Variants in PCGF3 observed in about 807,000 individuals in gnomAD.
PCGF3 encodes polycomb group RING finger protein 3.
Under a neutral mutation model 33.1 loss-of-function variants are expected in PCGF3, and 7 were observed. That is an observed-to-expected ratio of 0.21 (90% CI 0.12 to 0.40). The LOEUF is 0.40. Ranked by LOEUF, PCGF3 falls within the 10% of genes least tolerant of loss-of-function variation. The probability of loss-of-function intolerance (pLI) is 1.00; values close to 1 mark genes in which losing one functional copy is unlikely to be tolerated. For synonymous variants in PCGF3, 153 were observed against 121.3 expected, an observed-to-expected ratio of 1.26 and a Z score of -1.72; for missense variants, 211 against 313.3, an observed-to-expected ratio of 0.67 and a Z score of 2.46.
rs1351232620 is a variant in PCGF3 at position 721,190 on chromosome 4, G to T, written c.-189-9440G>T. On this transcript the variant is annotated intron_variant, in intron 1 of 10. Transcript: ENST00000362003. This position sits in a 1 kb window ranked among gnomAD's most constrained non-coding sequence, Gnocchi z 4.1. Reference sequence around the variant, plus strand: ...TCACTGCCCCATTACAACAGTGCGGGCCCTGATTCTCATGGTTCCCCAGTG... The same window carrying T: ...TCACTGCCCCATTACAACAGTGCGGTCCCTGATTCTCATGGTTCCCCAGTG... 1.3e-5 allele frequency among the ~76,000 whole-genome samples: 2 copies of T among 152,150 alleles called. No individual in the cohort carries two copies. The highest frequency in any genetic ancestry group is 4.8e-5 in the African/African-American group (2 of 41,440).
intron 1 of PCGF3, among the ~76,000 whole-genome samples, chr4:716,965 C>T (rs1431799430): frequency 5.0e-5 from 6 of 121,134 alleles, no homozygotes; most frequent in Non-Finnish European, 5.0e-5. Flanking sequence ...GAGAACTGGG[C>T]GTCGGTGCTG....
intron 8 of PCGF3, among the ~76,000 whole-genome samples, chr4:760,083 A>C (rs1327598381): frequency 2.0e-5 from 3 of 152,300 alleles, no homozygotes; most frequent in African/African-American, 7.2e-5. Context: ...TGCTTTTTGC[A>C]CAGAATCCAC....
intron 9 of PCGF3, among the ~76,000 whole-genome samples, chr4:763,157 G>A (rs927081539): frequency 6.6e-6 from 1 of 152,194 alleles, no homozygotes; most frequent in South Asian, 2.1e-4. Flanking sequence ...AGGGAGAGAA[G>A]GAAATGGGGC....
chr4:708,769 C>T (rs192687247), intron 1 of PCGF3, among the ~76,000 whole-genome samples: 22 of 152,168 alleles, frequency 1.4e-4, no homozygotes, highest in African/African-American at 4.8e-4. Flanking sequence ...TTCCAGTGTC[C>T]GGGAGACTTG....
chr4:719,627 G>C (rs143004494), intron 1 of PCGF3, among the ~76,000 whole-genome samples: 242 of 152,392 alleles, frequency 1.6e-3, no homozygotes, highest in African/African-American at 5.6e-3. Flanking sequence ...AGGAGGTGGA[G>C]AAGGGATGGT....
intron 1 of PCGF3, among the ~76,000 whole-genome samples, chr4:711,519 G>T (rs1321277241): frequency 7.0e-6 from 1 of 142,066 alleles, no homozygotes; most frequent in Non-Finnish European, 1.5e-5. Flanking sequence ...CTGCAGTGGC[G>T]CAATCTCGGC....
chr4:727,134 C>G (rs1245179004), intron 1 of PCGF3, among the ~76,000 whole-genome samples: 1 of 151,402 alleles, frequency 6.6e-6, no homozygotes, highest in Non-Finnish European at 1.5e-5. Flanking sequence ...TTCTGATGGA[C>G]TAACTAGGTG....
intron 1 of PCGF3, among the ~76,000 whole-genome samples, chr4:726,386 C>T (rs1390814881): frequency 1.3e-5 from 2 of 152,204 alleles, no homozygotes; most frequent in Non-Finnish European, 2.9e-5. Context: ...CCTGCGGGGG[C>T]CAGCAAACCC....
intron 6 of PCGF3, among the ~76,000 whole-genome samples, chr4:738,955 A>AC (rs771246614): frequency 2.6e-5 from 4 of 151,670 alleles, no homozygotes; most frequent in Admixed American, 6.6e-5. Flanking sequence ...TGTGACCACC[A>AC]CCCCCCGCCA....
chr4:748,204 T>TG (rs1426976107), intron 8 of PCGF3, among the ~76,000 whole-genome samples: 1 of 88,804 alleles, frequency 1.1e-5, no homozygotes, highest in Admixed American at 1.5e-4. Flanking sequence ...CTAGAGAACT[T>TG]TTTTTTTTTT....
chr4:747,691 G>A (rs4690300), intron 8 of PCGF3, among the ~76,000 whole-genome samples: 4,090 of 138,510 alleles, frequency 0.03, 140 homozygotes, highest in South Asian at 0.049. Flanking sequence ...AGTGCTCGCC[G>A]TGGAGGCGTG....
intron 1 of PCGF3, among the ~76,000 whole-genome samples, chr4:706,449 A>G (rs1434145184): frequency 6.8e-6 from 1 of 147,394 alleles, no homozygotes; most frequent in Non-Finnish European, 1.5e-5. Flanking sequence ...CAGCCCAGGC[A>G]GGACCCAGGG....
intron 3 of PCGF3, among the ~76,000 whole-genome samples, chr4:732,146 C>T (rs71614940): frequency 4.5e-5 from 5 of 112,100 alleles, no homozygotes; most frequent in African/African-American, 1.0e-4. Context: ...GGCGGGGCTC[C>T]CCTCCCCTCG....
In PCGF3 at chr4:743,453, CTG is replaced by C. The variant is rs778041204; in HGVS notation, c.263-15_263-14del. ...AATCCACTGCCTGTGAGATGAAAGA[CTG>C]TGTGTTGATTTTCCGCAGCGGAAAT... is the stretch of plus-strand genomic sequence containing the variant. On this transcript the variant is annotated intron_variant, in intron 6 of 10. Transcript: ENST00000362003. 27 of 1,411,004 alleles carry C rather than the reference CTG, an allele frequency of 1.9e-5. No homozygotes were observed. Among genetic ancestry groups the C allele is most frequent in the Admixed American group, 1.0e-4 (6 of 59,612 alleles). 87.4% of individuals were successfully genotyped at this position (1,411,004 alleles called of 1,614,324 possible).
intron 6 of PCGF3, among the ~76,000 whole-genome samples, chr4:742,505 T>G (rs1744138109): frequency 6.6e-6 from 1 of 152,240 alleles, no homozygotes; most frequent in African/African-American, 2.4e-5. Flanking sequence ...GAGCAGCTTT[T>G]TTCTAACCTT....
intron 10 of PCGF3, 104 bp from the exon 11 acceptor site, chr4:765,928 C>G (rs575412674): frequency 1.0e-5 from 10 of 988,966 alleles, no homozygotes; most frequent in African/African-American, 9.5e-5. Flanking sequence ...TGCATGTGGA[C>G]TGTGCCTCAC....
At chr4:736,412 C>T (rs1438810364) in intron 5 of PCGF3, among the ~76,000 whole-genome samples, 2 of 152,236 alleles carry the variant, frequency 1.3e-5, no homozygotes, top group Non-Finnish European at 2.9e-5. Context: ...TTGGAAATCC[C>T]ACAAAGACCA....
intron 1 of PCGF3, among the ~76,000 whole-genome samples, chr4:715,894 T>TAC (rs1742808109): frequency 9.9e-6 from 1 of 101,342 alleles, no homozygotes; most frequent in Non-Finnish European, 2.3e-5. Flanking sequence ...CTGTGGACAC[T>TAC]GAGGGTGAGA....
intron 8 of PCGF3, among the ~76,000 whole-genome samples, chr4:755,962 G>A (rs1423944775): frequency 7.5e-6 from 1 of 133,954 alleles, no homozygotes; most frequent in African/African-American, 2.8e-5. Flanking sequence ...TGCCCAGGCT[G>A]GAGTGCAAGG....
Sources: gnomAD v4.1 joint callset for allele counts (sites outside exome capture counted in the v4.1 genomes callset) on GRCh38, gnomAD v4.1.1 for gene constraint, Gnocchi (gnomAD v3.1) non-coding constraint, MANE v1.5 for transcripts, NCBI Gene and HGNC (gene_info 2026-07-23, HGNC 2026-07-21) for gene names.